PSMA8: variants seen among roughly 807,000 people sequenced by gnomAD.
PSMA8 encodes the protein proteasome subunit alpha-type 8.
In PSMA8, 18 loss-of-function variants were observed where a neutral mutation model predicts 32.4. The observed-to-expected ratio is 0.56, with a 90% CI of 0.38 to 0.82. The LOEUF (loss-of-function observed/expected upper bound fraction) is 0.82, where lower values mean the gene tolerates loss of function less well. Among genes scored for constraint, PSMA8 ranks in the 40% least tolerant of loss-of-function variants. The pLI, the probability that PSMA8 is intolerant of heterozygous loss-of-function variation, is 0.00. For missense variants in PSMA8, 298 were observed against 300.7 expected (o/e 0.99, Z 0.07); for synonymous variants, 104 against 98.1 (o/e 1.06, Z -0.36).
chr18:26,180,500 A>C (rs2055301806), intron 6 of PSMA8, among the ~76,000 whole-genome samples: 1 of 152,114 alleles, frequency 6.6e-6, no homozygotes, highest in South Asian at 2.1e-4. Context: ...AAGACAGTGG[A>C]GCTTGCCCCT....
intron 1 of PSMA8, among the ~76,000 whole-genome samples, chr18:26,134,955 G>A (rs970281106): frequency 6.9e-6 from 1 of 144,510 alleles, no homozygotes; most frequent in Non-Finnish European, 1.5e-5. Context: ...ACTCCGTCTC[G>A]GGAAAAAAAA....
In PSMA8 at chr18:26,192,361, G is replaced by C. The variant is rs751340625; in HGVS notation, c.703G>C (p.Glu235Gln). 2 of 1,519,194 alleles carry C rather than the reference G, an allele frequency of 1.3e-6. No individual in the cohort carries two copies. Among genetic ancestry groups the C allele is most frequent in the Admixed American group, 2.6e-5 (1 of 37,916 alleles). The allele number at this position is 1,519,194 out of a possible 1,614,324, so 94.1% of individuals were successfully genotyped here. ...KEVELYVTEI[E>Q]KEKEEAEKKK... ...AGTTGAATTATATGTAACTGAAATA[G>C]AAAAGGAAAAGGAAGAAGCAGAGAA... The change falls in exon 7 of 7, where the codon GAA becomes CAA. Residue 235 changes from glutamate to glutamine, a missense_variant. Transcript: ENST00000415576.
intron 4 of PSMA8, among the ~76,000 whole-genome samples, chr18:26,164,720 A>T (rs529149829): frequency 1.3e-5 from 2 of 152,332 alleles, no homozygotes; most frequent in African/African-American, 2.4e-5. Flanking sequence ...TGTATACTGG[A>T]TGTGGGAAAA....
intron 6 of PSMA8, among the ~76,000 whole-genome samples, chr18:26,191,045 G>A (rs1156906608): frequency 1.3e-5 from 2 of 152,144 alleles, no homozygotes; most frequent in Non-Finnish European, 2.9e-5. Context: ...ATCTTTATAG[G>A]TGAAATGGAA....
chr18:26,171,347 C>T lies in PSMA8; in HGVS notation c.478-7483C>T, dbSNP rs2055219175. On this transcript the variant is annotated intron_variant, in intron 4 of 6. Transcript: ENST00000415576. ...CAGCAGAACGCGCGGTCAAGTTTGG[C>T]GCGAAATTGTCGGTATTTTGTTATG... 9 of 1,479,134 alleles carry T rather than the reference C, an allele frequency of 6.1e-6. 3 individuals carry two copies. In the African/African-American group the frequency reaches 8.7e-5, roughly 14 times the overall value. 91.6% of individuals were successfully genotyped at this position (1,479,134 alleles called of 1,614,324 possible).
intron 4 of PSMA8, among the ~76,000 whole-genome samples, chr18:26,160,902 A>G (rs2055130278): frequency 6.6e-6 from 1 of 152,256 alleles, no homozygotes; most frequent in Admixed American, 6.5e-5. Flanking sequence ...AATGGGTAAT[A>G]GTGCCTTCCA....
chr18:26,181,218 T>C (rs748143629), intron 6 of PSMA8, among the ~76,000 whole-genome samples: 27 of 152,332 alleles, frequency 1.8e-4, no homozygotes, highest in African/African-American at 3.8e-4. Flanking sequence ...ATAGTGACAA[T>C]GTAATTATTA....
At chr18:26,145,235 C>A (rs1015207199) in intron 2 of PSMA8, among the ~76,000 whole-genome samples, 4 of 152,314 alleles carry the variant, frequency 2.6e-5, no homozygotes, top group African/African-American at 9.6e-5. Context: ...TCTCCTGCCT[C>A]AGCCTCCCGA....
chr18:26,137,589 T>G (rs763883224), intron 1 of PSMA8, among the ~76,000 whole-genome samples: 15 of 152,250 alleles, frequency 9.9e-5, no homozygotes, highest in Non-Finnish European at 1.8e-4. Flanking sequence ...TTACTATTCT[T>G]TGTTTTCTCT....
At chr18:26,163,644 A>C (rs1191989286) in intron 4 of PSMA8, among the ~76,000 whole-genome samples, 1 of 152,216 alleles carries the variant, frequency 6.6e-6, no homozygotes, top group African/African-American at 2.4e-5. Flanking sequence ...GAAATGAAGT[A>C]TTCAGAGGTA....
rs568660843 is a variant in PSMA8, at chr18:26,155,862, G to C, written c.355-2260G>C. On this transcript the variant is annotated intron_variant, in intron 3 of 6. Coordinates refer to ENST00000415576, the MANE Select transcript of PSMA8 (RefSeq NM_001025096.2). Reference sequence around the variant, plus strand: ...AAAGAAACAGTCAACAGAGTGAAGAGTCCATCTGCAAAATGAGAGAAAATA... The same window carrying C: ...AAAGAAACAGTCAACAGAGTGAAGACTCCATCTGCAAAATGAGAGAAAATA... Among the ~76,000 whole-genome samples the C allele has an allele frequency of 1.2e-3, 179 of 152,286 alleles. 1 individual carries two copies. The highest frequency in any genetic ancestry group is 4.0e-3 in the African/African-American group (167 of 41,562).
rs555605656 is a variant in PSMA8, at chr18:26,149,302, A to T, written c.230-2556A>T. Among the ~76,000 whole-genome samples the T allele has an allele frequency of 2.6e-5, 4 of 152,358 alleles. No homozygotes were observed. The South Asian group carries it at 8.3e-4, about 32-fold the overall frequency. Reference sequence around the variant, plus strand: ...AAAATGCAAAACATTGCTGAAAGAAATTGAAAAAGACACAAATGGAAAGAC... The same window carrying T: ...AAAATGCAAAACATTGCTGAAAGAATTTGAAAAAGACACAAATGGAAAGAC... On this transcript the variant is annotated intron_variant, in intron 2 of 6. Transcript: ENST00000415576.
chr18:26,185,020 G>A (rs2144356076), intron 6 of PSMA8, among the ~76,000 whole-genome samples: 1 of 143,868 alleles, frequency 7.0e-6, no homozygotes, highest in East Asian at 2.1e-4. Context: ...CCGGGAGACA[G>A]AGGTTACAGT....
At chr18:26,154,832 G>C (rs1338182822) in intron 3 of PSMA8, among the ~76,000 whole-genome samples, 1 of 152,040 alleles carries the variant, frequency 6.6e-6, no homozygotes, top group African/African-American at 2.4e-5. Context: ...GGCCAGGATG[G>C]TCTCGATTTC....
chr18:26,181,791 G>A (rs767960359), intron 6 of PSMA8, among the ~76,000 whole-genome samples: 2 of 152,182 alleles, frequency 1.3e-5, no homozygotes, highest in Admixed American at 6.5e-5. Flanking sequence ...ACGTGTGGTG[G>A]CACGCACCTG....
Position 26,145,945 on chromosome 18 carries a change from G to T in PSMA8, c.229+1260G>T, listed in dbSNP as rs187672246. ...TATGAAACACTGCCAGTCCAGAGTG[G>T]TTATACTATTTTAAATTCCAACTAG... On this transcript the variant is annotated intron_variant, in intron 2 of 6. Coordinates refer to ENST00000415576, the MANE Select transcript of PSMA8 (RefSeq NM_001025096.2). Among the ~76,000 whole-genome samples, 229 of 152,226 alleles carry T rather than the reference G, an allele frequency of 1.5e-3. 1 individual carries two copies. Among genetic ancestry groups the T allele is most frequent in the African/African-American group, 5.4e-3 (226 of 41,534 alleles).
chr18:26,162,582 C>T (rs1056624834), intron 4 of PSMA8, among the ~76,000 whole-genome samples: 41 of 152,152 alleles, frequency 2.7e-4, no homozygotes, highest in African/African-American at 9.9e-4. Flanking sequence ...AAATAAAATC[C>T]TGGCTGGGCG....
At chr18:26,163,344 A>C (rs1199915012) in intron 4 of PSMA8, among the ~76,000 whole-genome samples, 1 of 150,470 alleles carries the variant, frequency 6.6e-6, no homozygotes, top group African/African-American at 2.4e-5. Flanking sequence ...GGTCCCTTTG[A>C]AAAGGAGACA....
intron 4 of PSMA8, among the ~76,000 whole-genome samples, chr18:26,163,850 A>T (rs2055157911): frequency 6.6e-6 from 1 of 152,234 alleles, no homozygotes; most frequent in Admixed American, 6.5e-5. Context: ...CTTAGGGTAG[A>T]AGCAGGGAGA....
Sources: allele counts gnomAD v4.1 joint callset (sites outside exome capture counted in the v4.1 genomes callset), GRCh38; gene constraint gnomAD v4.1.1; transcripts MANE v1.5; gene names NCBI Gene and HGNC (gene_info 2026-07-23, HGNC 2026-07-21).